BACH1: variants seen among roughly 807,000 people sequenced by gnomAD.
The protein encoded by BACH1 is transcription regulator protein BACH1.
A neutral mutation model predicts 52.9 loss-of-function variants in BACH1; 35 were observed. The ratio of observed to expected loss-of-function variants is 0.66; its 90% confidence interval spans 0.51 to 0.88. BACH1 has a LOEUF of 0.88. Among genes scored for constraint, BACH1 ranks in the 40% least tolerant of loss-of-function variants. BACH1 has a pLI of 0.00. For synonymous variants in BACH1, 321 were observed against 319.6 expected (o/e 1.00, Z -0.05); for missense variants, 808 against 872.6 (o/e 0.93, Z 0.93).
At chr21:29,336,251 A>G (rs1415290876) in intron 4 of BACH1, among the ~76,000 whole-genome samples, 8 of 152,134 alleles carry the variant, frequency 5.3e-5, no homozygotes, top group Admixed American at 2.0e-4. Flanking sequence ...TTGCTTCCCC[A>G]TGGCTTTAAG....
chr21:29,348,981 C>T (rs1336958436), downstream of BACH1, among the ~76,000 whole-genome samples: 2 of 151,982 alleles, frequency 1.3e-5, no homozygotes, highest in East Asian at 3.8e-4. Flanking sequence ...GTAGTCCCAG[C>T]TACTCAGGAG....
At chr21:29,355,279 C>T (rs939432392) in intron 2 of BACH1, among the ~76,000 whole-genome samples, 4 of 151,918 alleles carry the variant, frequency 2.6e-5, no homozygotes, top group Admixed American at 6.6e-5. Context: ...CTGTTTGGTG[C>T]GTTTACAAAC....
chr21:29,341,993 A>G (rs907722255), intron 4 of BACH1, among the ~76,000 whole-genome samples: 62 of 152,326 alleles, frequency 4.1e-4, no homozygotes, highest in African/African-American at 1.4e-3. Context: ...CAAAAACCGT[A>G]TGTTTGTCAC....
At chr21:29,339,548 T>A (rs1274884548) in intron 4 of BACH1, among the ~76,000 whole-genome samples, 1 of 151,970 alleles carries the variant, frequency 6.6e-6, no homozygotes. Context: ...ATTGGGTGAG[T>A]TATATTTATG....
intron 2 of BACH1, among the ~76,000 whole-genome samples, chr21:29,356,728 C>T (rs947664965): frequency 2.0e-5 from 3 of 152,268 alleles, no homozygotes; most frequent in Non-Finnish European, 4.4e-5. Flanking sequence ...TTTACACTGA[C>T]AACAAGGTGA....
At chr21:29,311,182 C>T (rs2088716964) in intron 1 of BACH1, among the ~76,000 whole-genome samples, 1 of 152,126 alleles carries the variant, frequency 6.6e-6, no homozygotes, top group South Asian at 2.1e-4. Flanking sequence ...ACATCGTACC[C>T]AAACAAGATG....
At chr21:29,329,342 T>TAAAAAA in intron 3 of BACH1, 145 bp from the exon 4 acceptor site, 1 of 488,310 alleles carries the variant, frequency 2.0e-6, no homozygotes. Flanking sequence ...CTTTTGAGAT[T>TAAAAAA]GTATAGAAAT....
intron 2 of BACH1, among the ~76,000 whole-genome samples, chr21:29,354,559 T>G (rs2089222307): frequency 6.6e-6 from 1 of 152,148 alleles, no homozygotes; most frequent in South Asian, 2.1e-4. Context: ...ATGACTGTCC[T>G]GAGGTAGAAG....
chr21:29,310,128 T>C (rs956640298), intron 1 of BACH1, among the ~76,000 whole-genome samples: 4 of 152,214 alleles, frequency 2.6e-5, no homozygotes, highest in African/African-American at 9.6e-5. Context: ...CAACTTATCA[T>C]GTAGTGACAA....
chr21:29,339,241 A>C (rs2123471233), intron 4 of BACH1, among the ~76,000 whole-genome samples: 1 of 152,290 alleles, frequency 6.6e-6, no homozygotes, highest in South Asian at 2.1e-4. Context: ...CAGCAGCAGT[A>C]TATGTGTGTG....
At chr21:29,329,808 TATC>T in intron 4 of BACH1, 115 bp downstream of exon 4, 2 of 734,100 alleles carry the variant, frequency 2.7e-6, no homozygotes, top group Non-Finnish European at 4.1e-6. Context: ...TTTTAATATG[TATC>T]AATTACCATT....
chr21:29,320,061 T>C (rs1035434440), intron 1 of BACH1, among the ~76,000 whole-genome samples: 1 of 152,168 alleles, frequency 6.6e-6, no homozygotes, highest in Non-Finnish European at 1.5e-5. Context: ...TAAGTTGTGA[T>C]CCTTAACCTT....
intron 1 of BACH1, among the ~76,000 whole-genome samples, chr21:29,320,695 C>T (rs1053953746): frequency 6.6e-6 from 1 of 152,086 alleles, no homozygotes; most frequent in African/African-American, 2.4e-5. Context: ...AGAACAGTGT[C>T]CCTTGTTATA....
At chr21:29,346,754 G>C (rs1360683867), downstream of BACH1, among the ~76,000 whole-genome samples, 2 of 152,218 alleles carry the variant, frequency 1.3e-5, no homozygotes, top group African/African-American at 4.8e-5. Context: ...TTGTAAGAAA[G>C]TGCTCAGTTG....
At position 29,326,232 on chromosome 21, in the gene BACH1, C is replaced by T. The variant is rs752212535; in HGVS notation, c.408C>T (p.Asp136=). ...LKFKFLDSTA[D]QQECPRKKCF... The stretch of plus-strand genomic sequence containing the variant: ...TTAAGTTTTTGGACTCCACTGCAGA[C>T]CAGCAAGAATGCCCAAGAAAAAAAT... Residue 136 remains aspartate, a synonymous_variant, in exon 3 of 5, where the codon GAC becomes GAT. Coordinates refer to ENST00000286800, the MANE Select transcript of BACH1 (RefSeq NM_001186.4). 3 of 1,614,002 alleles carry T rather than the reference C, an allele frequency of 1.9e-6. No individual in the cohort carries two copies. The highest frequency in any genetic ancestry group is 2.7e-5 in the African/African-American group (2 of 74,904).
chr21:29,322,458 G>T (rs1485152457), intron 2 of BACH1, among the ~76,000 whole-genome samples: 2 of 152,000 alleles, frequency 1.3e-5, no homozygotes, highest in Non-Finnish European at 1.5e-5. Context: ...CAAATATTTG[G>T]GTCCTTGTTA....
chr21:29,306,234 A>G (rs2088656144), intron 1 of BACH1, among the ~76,000 whole-genome samples: 2 of 150,764 alleles, frequency 1.3e-5, no homozygotes, highest in African/African-American at 4.9e-5. Context: ...AGTCAATGGA[A>G]AAAGGTTGAA....
At chr21:29,330,571 G>T (rs1415114109) in intron 4 of BACH1, among the ~76,000 whole-genome samples, 1 of 152,102 alleles carries the variant, frequency 6.6e-6, no homozygotes, top group African/African-American at 2.4e-5. Flanking sequence ...AGGAAGCATT[G>T]TATGAAAGAG....
chr21:29,342,904 T>G lies in BACH1; in HGVS notation c.*71T>G. 3 of 1,416,944 alleles carry G rather than the reference T, an allele frequency of 2.1e-6. No individual in the cohort carries two copies. The highest frequency in any genetic ancestry group is 1.4e-5 in the South Asian group (1 of 70,292). The allele number at this position is 1,416,944 out of a possible 1,614,324, so 87.8% of individuals were successfully genotyped here. On this transcript the variant is annotated 3_prime_UTR_variant, in exon 5 of 5. Transcript: ENST00000286800. ...TTGGCAGCGTCTTGAAAGCCTAATATGACCATCTGTTGCTCAACAATACTG... is the reference window on the plus strand; with the variant it reads ...TTGGCAGCGTCTTGAAAGCCTAATAGGACCATCTGTTGCTCAACAATACTG...
Sources: allele counts gnomAD v4.1 joint callset (sites outside exome capture counted in the v4.1 genomes callset), GRCh38; gene constraint gnomAD v4.1.1; transcripts MANE v1.5; gene names NCBI Gene and HGNC (gene_info 2026-07-23, HGNC 2026-07-21).